NXN: variants seen among roughly 807,000 people sequenced by gnomAD.
NXN encodes the protein nucleoredoxin 1.
A neutral mutation model predicts 48.6 loss-of-function variants in NXN; 16 were observed. The observed-to-expected ratio is 0.33, with a 90% CI of 0.22 to 0.50. The LOEUF is 0.50. NXN is among the 20% of genes least tolerant of loss of function. NXN has a pLI of 0.98. For missense variants in NXN, 492 were observed against 605.5 expected (o/e 0.81, Z 1.97); for synonymous variants, 281 against 269.6 (o/e 1.04, Z -0.41).
intron 1 of NXN, among the ~76,000 whole-genome samples, chr17:894,734 C>T (rs1306100895): frequency 6.6e-6 from 1 of 152,238 alleles, no homozygotes; most frequent in Non-Finnish European, 1.5e-5. Flanking sequence ...CACTGGTGTC[C>T]GCAGGGACGG....
chr17:846,598 C>G (rs915361946), intron 1 of NXN, among the ~76,000 whole-genome samples: 22 of 152,266 alleles, frequency 1.4e-4, no homozygotes, highest in African/African-American at 5.3e-4. Context: ...CAAGTCCTGC[C>G]CCTGTACCCT....
chr17:850,942 C>G (rs1382490185), intron 1 of NXN, among the ~76,000 whole-genome samples: 1 of 152,182 alleles, frequency 6.6e-6, no homozygotes, highest in Non-Finnish European at 1.5e-5. Flanking sequence ...ACCTTCTCCT[C>G]CAGGACAGAA....
In NXN at chr17:837,167, A is replaced by G. The variant is rs1248475076; in HGVS notation, c.361-11089T>C. Among the ~76,000 whole-genome samples the G allele has an allele frequency of 1.3e-5, 2 of 152,080 alleles. 1 individual carries two copies. Among genetic ancestry groups the G allele is most frequent in the African/African-American group, 4.8e-5 (2 of 41,404 alleles). On this transcript the variant is annotated intron_variant, in intron 1 of 7. Coordinates refer to ENST00000336868, the MANE Select transcript of NXN (RefSeq NM_022463.5). ...TAATTTTTTGATGTTTTGTGGCAAC[A>G]GCGTCTCGCTATGTGCCCCAGGCTG...
At chr17:961,576 A>G (rs2069238066) in intron 1 of NXN, among the ~76,000 whole-genome samples, 1 of 152,194 alleles carries the variant, frequency 6.6e-6, no homozygotes, top group Non-Finnish European at 1.5e-5. Flanking sequence ...CCTAACCTAC[A>G]GGATGTACAT....
chr17:939,421 C>T (rs2068944849), intron 1 of NXN, among the ~76,000 whole-genome samples: 1 of 149,490 alleles, frequency 6.7e-6, no homozygotes, highest in Non-Finnish European at 1.5e-5. Context: ...TCTTGGCTCA[C>T]TGCAATCTCT....
At chr17:945,608 G>A (rs575247927) in intron 1 of NXN, among the ~76,000 whole-genome samples, 2 of 147,180 alleles carry the variant, frequency 1.4e-5, no homozygotes, top group African/African-American at 5.1e-5. Flanking sequence ...TCCAGCCTGG[G>A]CGAGAGAGTG....
At chr17:934,140 G>A (rs186847408) in intron 1 of NXN, among the ~76,000 whole-genome samples, 3 of 152,192 alleles carry the variant, frequency 2.0e-5, no homozygotes, top group African/African-American at 4.8e-5. Context: ...CGTGGCTCAC[G>A]TCTGTAATCC....
intron 1 of NXN, among the ~76,000 whole-genome samples, chr17:853,443 G>A (rs914761330): frequency 6.6e-6 from 1 of 151,838 alleles, no homozygotes; most frequent in African/African-American, 2.4e-5. Context: ...GTGAGACTCT[G>A]CCTAAAAGAA....
chr17:861,531 C>A (rs1016360288), intron 1 of NXN, among the ~76,000 whole-genome samples: 1 of 152,162 alleles, frequency 6.6e-6, no homozygotes, highest in Non-Finnish European at 1.5e-5. Flanking sequence ...GACCATCCCT[C>A]CACCAAAGGG....
chr17:890,151 CTT>C (rs1187037033), intron 1 of NXN, among the ~76,000 whole-genome samples: 1 of 151,866 alleles, frequency 6.6e-6, no homozygotes, highest in Non-Finnish European at 1.5e-5. Flanking sequence ...ATGAAATAAA[CTT>C]AAGAATAAAT....
At chr17:938,580 G>A (rs2068934928) in intron 1 of NXN, among the ~76,000 whole-genome samples, 2 of 152,120 alleles carry the variant, frequency 1.3e-5, no homozygotes, top group African/African-American at 4.8e-5. Context: ...CTACTTGGGA[G>A]GCGGAGGCAG....
chr17:886,505 G>A (rs1486656322), intron 1 of NXN, among the ~76,000 whole-genome samples: 3 of 152,144 alleles, frequency 2.0e-5, no homozygotes, highest in African/African-American at 4.8e-5. Context: ...TGGCCGGCGC[G>A]GTGGCTCACG....
rs1412858674 is a variant in NXN at position 958,717 on chromosome 17, G to A, written c.360+20602C>T. On this transcript the variant is annotated intron_variant, in intron 1 of 7. Transcript: ENST00000336868. The surrounding 1 kb of genome is among the most constrained non-coding windows in gnomAD (Gnocchi z 6.9). ...GCGGAGGTAGAAGTGAGCCCAGATT[G>A]TGCCACTGAACTCCAGCACAGGCGA... is the stretch of plus-strand genomic sequence containing the variant. Among the ~76,000 whole-genome samples the A allele has an allele frequency of 3.9e-5, 6 of 152,112 alleles. No individual in the cohort carries two copies. The highest frequency in any genetic ancestry group is 1.4e-4 in the African/African-American group (6 of 41,426).
At chr17:838,419 A>C (rs1297355860) in intron 1 of NXN, among the ~76,000 whole-genome samples, 1 of 152,030 alleles carries the variant, frequency 6.6e-6, no homozygotes, top group East Asian at 1.9e-4. Context: ...GGCGTGAGCC[A>C]CCGCGCCCGG....
chr17:919,687 T>A lies in NXN; in HGVS notation c.360+59632A>T, dbSNP rs1167189693. 6.6e-6 allele frequency among the ~76,000 whole-genome samples: 1 copy of A among 152,098 alleles called. No homozygotes were observed. The highest frequency in any genetic ancestry group is 2.4e-5 in the African/African-American group (1 of 41,424). ...AGACAGAGACAACACCAATCAGCCC[T>A]TACCAGGCAGTGCGTGGCTCCAGAA... On this transcript the variant is annotated intron_variant, in intron 1 of 7. Coordinates refer to ENST00000336868, the MANE Select transcript of NXN (RefSeq NM_022463.5). This position sits in a 1 kb window ranked among gnomAD's most constrained non-coding sequence, Gnocchi z 5.1.
At chr17:893,562 A>ACG (rs2068446551) in intron 1 of NXN, among the ~76,000 whole-genome samples, 1 of 151,042 alleles carries the variant, frequency 6.6e-6, no homozygotes, top group African/African-American at 2.4e-5. Flanking sequence ...AAGCATCTCA[A>ACG]CCTCCGGAAG....
At chr17:971,886 G>A (rs2069384631) in intron 1 of NXN, among the ~76,000 whole-genome samples, 1 of 152,114 alleles carries the variant, frequency 6.6e-6, no homozygotes, top group African/African-American at 2.4e-5. Context: ...AACACATCCT[G>A]GCCGGGCGCC....
At chr17:856,586 G>C (rs1418274840) in intron 1 of NXN, among the ~76,000 whole-genome samples, 1 of 151,200 alleles carries the variant, frequency 6.6e-6, no homozygotes, top group African/African-American at 2.4e-5. Flanking sequence ...CGCCTCCCGG[G>C]TTCAAGTGAG....
chr17:945,979 C>T (rs1476441541), intron 1 of NXN, among the ~76,000 whole-genome samples: 4 of 152,142 alleles, frequency 2.6e-5, no homozygotes, highest in Non-Finnish European at 5.9e-5. Context: ...CTCACCCTTT[C>T]GGCCACAAAA....
Sources: allele counts gnomAD v4.1 joint callset (sites outside exome capture counted in the v4.1 genomes callset), GRCh38; gene constraint gnomAD v4.1.1; non-coding constraint Gnocchi (gnomAD v3.1); transcripts MANE v1.5; gene names NCBI Gene and HGNC (gene_info 2026-07-23, HGNC 2026-07-21).